The following SPMIP7 variants were observed in gnomAD, a reference collection of about 807,000 sequenced individuals.
SPMIP7 encodes sperm microtubule inner protein 7, also known as protein SPMIP7.
the SPMIP7 span, among the ~76,000 whole-genome samples, chr7:50,138,831 C>G: frequency 6.6e-6 from 1 of 151,452 alleles, no homozygotes; most frequent in Admixed American, 6.6e-5. Context: ...GTACTCAAGT[C>G]TGACTACTGG....
the SPMIP7 span, among the ~76,000 whole-genome samples, chr7:50,115,490 C>G: frequency 6.6e-6 from 1 of 152,094 alleles, no homozygotes; most frequent in Non-Finnish European, 1.5e-5. Context: ...ACAGAACATT[C>G]ACTGAGATAA....
the SPMIP7 span, chr7:50,151,368 T>G: frequency 8.4e-6 from 9 of 1,070,412 alleles, no homozygotes; most frequent in Non-Finnish European, 1.2e-5. Context: ...ATTTTTCATA[T>G]TTGGGTGCTA....
the SPMIP7 span, among the ~76,000 whole-genome samples, chr7:50,137,012 T>A: frequency 6.6e-5 from 10 of 152,174 alleles, no homozygotes; most frequent in African/African-American, 2.4e-4. Flanking sequence ...TCGTGGAGCA[T>A]GACTAGTATT....
chr7:50,139,831 C>G, the SPMIP7 span, among the ~76,000 whole-genome samples: 1 of 152,086 alleles, frequency 6.6e-6, no homozygotes, highest in East Asian at 1.9e-4. Flanking sequence ...CTAGAGTATG[C>G]CCATACAATG....
At chr7:50,129,295 A>G in the SPMIP7 span, among the ~76,000 whole-genome samples, 63 of 152,156 alleles carry the variant, frequency 4.1e-4, no homozygotes, top group African/African-American at 1.5e-3. Flanking sequence ...TAAAGATAAT[A>G]ATGATTATAA....
At chr7:50,108,479 C>G in the SPMIP7 span, among the ~76,000 whole-genome samples, 17 of 152,220 alleles carry the variant, frequency 1.1e-4, no homozygotes, top group African/African-American at 3.6e-4. Context: ...GCCATACTAT[C>G]ATGATATAGC....
the SPMIP7 span, chr7:50,140,043 G>A: frequency 1.2e-6 from 1 of 812,742 alleles, no homozygotes; most frequent in Non-Finnish European, 1.9e-6. Flanking sequence ...TGAGATATCT[G>A]TGAAGGCTTT....
chr7:50,101,373 C>T, the SPMIP7 span, among the ~76,000 whole-genome samples: 102 of 152,344 alleles, frequency 6.7e-4, no homozygotes, highest in African/African-American at 2.3e-3. Flanking sequence ...ATGGTCAACA[C>T]CAACTTGCCA....
chr7:50,133,978 T>C, the SPMIP7 span: 3 of 704,420 alleles, frequency 4.3e-6, no homozygotes, highest in Non-Finnish European at 4.6e-6. Flanking sequence ...TGATTATATA[T>C]GGTATACACA....
chr7:50,117,173 G>C, the SPMIP7 span: 9 of 444,962 alleles, frequency 2.0e-5, no homozygotes, highest in African/African-American at 1.8e-4. Context: ...ACAGCCTTCA[G>C]TTTTATGACT....
the SPMIP7 span, among the ~76,000 whole-genome samples, chr7:50,142,295 CAT>C: frequency 1.3e-5 from 2 of 152,082 alleles, no homozygotes; most frequent in African/African-American, 4.8e-5. Context: ...AGAATCAAAA[CAT>C]ATTATTTGGG....
chr7:50,126,582 A>G, the SPMIP7 span, among the ~76,000 whole-genome samples: 6 of 152,050 alleles, frequency 3.9e-5, no homozygotes, highest in Non-Finnish European at 8.8e-5. Context: ...TTTACAAAAA[A>G]TAGAGGAAAT....
At chr7:50,096,090 A>T in the SPMIP7 span, 1 of 1,472,460 alleles carries the variant, frequency 6.8e-7, no homozygotes, top group African/African-American at 1.4e-5. Context: ...AAGGCCATGG[A>T]TGTAGAAATT....
chr7:50,097,301 C>A, the SPMIP7 span, among the ~76,000 whole-genome samples: 3 of 152,178 alleles, frequency 2.0e-5, no homozygotes, highest in Non-Finnish European at 4.4e-5. Flanking sequence ...AAAAGATCAA[C>A]ATTTTTAGCA....
chr7:50,132,872 T>C, the SPMIP7 span, among the ~76,000 whole-genome samples: 49,042 of 151,846 alleles, frequency 0.32, 8,641 homozygotes, highest in Non-Finnish European at 0.42. Flanking sequence ...TGGTCCTTTT[T>C]CATTCTTGTA....
At chr7:50,107,151 T>A in the SPMIP7 span, among the ~76,000 whole-genome samples, 1 of 150,652 alleles carries the variant, frequency 6.6e-6, no homozygotes, top group South Asian at 2.1e-4. Flanking sequence ...AGGTCAGGAG[T>A]TTGAAACCAG....
chr7:50,125,458 A>T, the SPMIP7 span, among the ~76,000 whole-genome samples: 1 of 149,642 alleles, frequency 6.7e-6, no homozygotes, highest in African/African-American at 2.4e-5. Context: ...AGAAGGAAGA[A>T]AATTTAAAAA....
At chr7:50,105,004 G>C in the SPMIP7 span, among the ~76,000 whole-genome samples, 1 of 152,108 alleles carries the variant, frequency 6.6e-6, no homozygotes, top group Non-Finnish European at 1.5e-5. Context: ...GAAGCCCAAT[G>C]TTGTTAAGTA....
chr7:50,151,296 T>C, the SPMIP7 span, among the ~76,000 whole-genome samples: 2 of 152,226 alleles, frequency 1.3e-5, no homozygotes, highest in South Asian at 4.1e-4. Context: ...GTTTCCTTTT[T>C]GGACAGCCCA....
Sources: allele counts gnomAD v4.1 joint callset (sites outside exome capture counted in the v4.1 genomes callset), GRCh38; gene constraint gnomAD v4.1.1; transcripts MANE v1.5; gene names NCBI Gene and HGNC (gene_info 2026-07-23, HGNC 2026-07-21).